The following RNF207 variants were observed in gnomAD, a reference collection of about 807,000 sequenced individuals.
RNF207 encodes the protein ring finger protein 207, also known as OTTHUMG00000001089.
A neutral mutation model predicts 79.0 loss-of-function variants in RNF207; 72 were observed. The observed-to-expected ratio is 0.91, with a 90% CI of 0.75 to 1.11. The LOEUF is 1.11. Among genes scored for constraint, RNF207 ranks in the 50% least tolerant of loss-of-function variants. The probability of loss-of-function intolerance (pLI) is 0.00; values close to 1 mark genes in which losing one functional copy is unlikely to be tolerated. For synonymous variants in RNF207, 348 were observed against 366.2 expected (o/e 0.95, Z 0.57); for missense variants, 936 against 855.8 (o/e 1.09, Z -1.17).
In RNF207 at chr1:6,211,800, G is replaced by C. The variant is rs1306504165; in HGVS notation, c.1110-67G>C. 81 of 1,219,826 alleles carry C rather than the reference G, an allele frequency of 6.6e-5. No individual in the cohort carries two copies. Among genetic ancestry groups the C allele is most frequent in the Non-Finnish European group, 8.8e-5 (76 of 861,550 alleles). 75.6% of individuals were successfully genotyped at this position (1,219,826 alleles called of 1,614,324 possible). A position where few individuals can be genotyped will look rare whatever the true frequency, so the allele number is the denominator to read the frequency against. On this transcript the variant is annotated intron_variant, in intron 12 of 17. Transcript: ENST00000377939. This position sits in a 1 kb window ranked among gnomAD's most constrained non-coding sequence, Gnocchi z 4.2. ...AGATCCCGGAGCAGTCCAGGGGGCT[G>C]CCCTGGGAGGCTGGGGGAGGGGCAG...
At chr1:6,213,241 C>T in intron 16 of RNF207, 58 bp downstream of exon 16, 1 of 1,170,264 alleles carries the variant, frequency 8.5e-7, no homozygotes, top group Non-Finnish European at 1.3e-6. Context: ...TGCATGGGGG[C>T]TGGGTGCGGT....
At position 6,206,735 on chromosome 1, in the gene RNF207, C is replaced by T. The variant is rs781394673; in HGVS notation, c.191+9C>T. 8 of 1,597,912 alleles carry T rather than the reference C, an allele frequency of 5.0e-6. No homozygotes were observed. The South Asian group carries it at 7.7e-5, about 15-fold the overall frequency. ...ACCTGCCCGCTGTGCCAGTAAGTGT[C>T]CCAAAGTTCCCCAAAACCCCCCAGA... On this transcript the variant is annotated intron_variant, in intron 2 of 17. Coordinates refer to ENST00000377939, the MANE Select transcript of RNF207 (RefSeq NM_207396.3).
chr1:6,213,002 G>C, intron 15 of RNF207, 64 bp from the exon 16 acceptor site: 6 of 1,118,532 alleles, frequency 5.4e-6, no homozygotes, highest in Non-Finnish European at 8.0e-6. Flanking sequence ...TGCCTGGCTT[G>C]AGTAAAAATC....
chr1:6,213,605 A>G (rs1668260405), intron 16 of RNF207, among the ~76,000 whole-genome samples: 1 of 152,122 alleles, frequency 6.6e-6, no homozygotes, highest in Non-Finnish European at 1.5e-5. Flanking sequence ...TTGCAAAAGC[A>G]TGGTCACAGT....
rs917273637 is a variant in RNF207 at position 6,220,511 on chromosome 1, T to G, written c.*1104T>G. 1 of 152,230 alleles carries G rather than the reference T, an allele frequency of 6.6e-6. No individual in the cohort carries two copies. The highest frequency in any genetic ancestry group is 2.4e-5 in the African/African-American group (1 of 41,456). The allele number at this position is 152,230 out of a possible 1,614,324, so 9.4% of individuals were successfully genotyped here. On this transcript the variant is annotated 3_prime_UTR_variant, in exon 18 of 18. Coordinates refer to ENST00000377939, the MANE Select transcript of RNF207 (RefSeq NM_207396.3). The stretch of plus-strand genomic sequence containing the variant: ...AAGTTCCACACAGTAATCTGAGCAG[T>G]GACTCATGGAAGGATGAGGAACGTT...
At position 6,212,696 on chromosome 1, in the gene RNF207, C is replaced by G; in HGVS notation, c.1497C>G (p.Ala499=). 4 of 1,613,878 alleles carry G rather than the reference C, an allele frequency of 2.5e-6. No individual in the cohort carries two copies. Among genetic ancestry groups the G allele is most frequent in the Non-Finnish European group, 3.4e-6 (4 of 1,179,790 alleles). ...TTCTCTTTCAGATTTGGGAGGAAGC[C>G]TATCAGCGAGTGGCTAATGAGCAGG... ...RVVFQEIWEE[A]YQRVANEQEI... is the part of the protein sequence containing the mutation. The change falls in exon 15 of 18, where the codon GCC becomes GCG. Residue 499 remains alanine, a synonymous_variant. Coordinates refer to ENST00000377939, the MANE Select transcript of RNF207 (RefSeq NM_207396.3).
intron 6 of RNF207, 27 bp downstream of exon 6, chr1:6,209,370 GC>G (rs1557585172): frequency 4.6e-6 from 7 of 1,528,484 alleles, no homozygotes; most frequent in Admixed American, 2.0e-5. Flanking sequence ...GGCGCGCGGG[GC>G]CGCGCGGCGG....
intron 15 of RNF207, 93 bp downstream of exon 15, chr1:6,212,826 T>C: frequency 1.9e-6 from 2 of 1,075,414 alleles, no homozygotes; most frequent in African/African-American, 1.6e-5. Context: ...ACTAACCAGA[T>C]GCAAATCCCC....
At chr1:6,215,513 T>G (rs1668334616) in intron 16 of RNF207, among the ~76,000 whole-genome samples, 2 of 152,190 alleles carry the variant, frequency 1.3e-5, no homozygotes, top group Admixed American at 1.3e-4. Flanking sequence ...TTGTTTTGCA[T>G]GTCCAACAGC....
chr1:6,211,773 T>G lies in RNF207; in HGVS notation c.1110-94T>G. The stretch of plus-strand genomic sequence containing the variant: ...GTGCTCCAGGTGGTGGAGAGGGCTG[T>G]GAGATCCCGGAGCAGTCCAGGGGGC... On this transcript the variant is annotated intron_variant, in intron 12 of 17. Transcript: ENST00000377939. The surrounding 1 kb of genome is among the most constrained non-coding windows in gnomAD (Gnocchi z 4.2). The G allele has an allele frequency of 1.0e-5, 9 of 867,204 alleles. No individual in the cohort carries two copies. Among genetic ancestry groups the G allele is most frequent in the Non-Finnish European group, 1.6e-5 (9 of 564,450 alleles). 53.7% of individuals were successfully genotyped at this position (867,204 alleles called of 1,614,324 possible).
At chr1:6,208,192 C>G (rs1486497560) in intron 3 of RNF207, 1 of 166,432 alleles carries the variant, frequency 6.0e-6, no homozygotes, top group East Asian at 1.6e-4. Flanking sequence ...GCCCTCACTG[C>G]TCTTCCCCTC....
chr1:6,212,518 G>A lies in RNF207; in HGVS notation c.1482+102G>A, dbSNP rs535377928. 2.5e-5 allele frequency: 32 copies of A among 1,294,678 alleles called. No homozygotes were observed. In the African/African-American group the frequency reaches 2.6e-4, roughly 11 times the overall value. The allele number at this position is 1,294,678 out of a possible 1,614,324, so 80.2% of individuals were successfully genotyped here. On this transcript the variant is annotated intron_variant, in intron 14 of 17. Coordinates refer to ENST00000377939, the MANE Select transcript of RNF207 (RefSeq NM_207396.3). ...AAAGAGGACCTGGCCTGTACCCCAC[G>A]GGACCCTCATGTGGCAGGGTCTGGA... is the stretch of plus-strand genomic sequence containing the variant.
rs1668211766 is a variant in RNF207 at position 6,212,370 on chromosome 1, C to T, written c.1436C>T (p.Ala479Val). The T allele has an allele frequency of 1.9e-6, 3 of 1,613,618 alleles. No individual in the cohort carries two copies. Among genetic ancestry groups the T allele is most frequent in the African/African-American group, 2.7e-5 (2 of 75,008 alleles). Reference protein sequence around the residue: ...HKSLQLDVQIASEHASLEGMR... With the variant: ...HKSLQLDVQIVSEHASLEGMR... ...TCCCTGCAACTGGACGTGCAGATCGCCTCGGAGCACGCCTCCTTAGAGGGC... is the reference window on the plus strand; with the variant it reads ...TCCCTGCAACTGGACGTGCAGATCGTCTCGGAGCACGCCTCCTTAGAGGGC... The change falls in exon 14 of 18, where the codon GCC (alanine) becomes GTC (valine). Residue 479 changes from alanine (A) to valine (V), a missense_variant. Physicochemically the swap from Ala to Val is moderately conservative, Grantham distance 64. Transcript: ENST00000377939.
Position 6,210,256 on chromosome 1 carries a change from G to A in RNF207, c.834G>A (p.Glu278=). 1 of 1,613,786 alleles carries A rather than the reference G, an allele frequency of 6.2e-7. No homozygotes were observed. Among genetic ancestry groups the A allele is most frequent in the Non-Finnish European group, 8.5e-7 (1 of 1,179,886 alleles). ...AAGAGAAGGACAAGGCCTTCAAGGA[G>A]CAGCTCTCTCACTTGGCCACCTTGC... ...QYEEKDKAFK[E]QLSHLATLLP... is the part of the protein sequence containing the mutation. The change falls in exon 9 of 18, where the codon GAG becomes GAA. Residue 278 remains glutamate (E), a synonymous_variant. Coordinates refer to ENST00000377939, the MANE Select transcript of RNF207 (RefSeq NM_207396.3).
At chr1:6,215,331 C>CTTTT (rs147320112) in intron 16 of RNF207, among the ~76,000 whole-genome samples, 3 of 138,808 alleles carry the variant, frequency 2.2e-5, no homozygotes, top group East Asian at 4.1e-4. Flanking sequence ...CCCGGCCCCC[C>CTTTT]TTTTTTTTTT....
At chr1:6,218,862 G>A (rs1668453189) in intron 17 of RNF207, among the ~76,000 whole-genome samples, 1 of 152,188 alleles carries the variant, frequency 6.6e-6, no homozygotes, top group South Asian at 2.1e-4. Flanking sequence ...AGAACCAGAA[G>A]AGCCTAGGGG....
At chr1:6,215,488 T>C (rs1668333957) in intron 16 of RNF207, among the ~76,000 whole-genome samples, 1 of 152,110 alleles carries the variant, frequency 6.6e-6, no homozygotes, top group Admixed American at 6.6e-5. Flanking sequence ...CATTAAGTAG[T>C]TCATTTCTGC....
chr1:6,220,858 C>A lies in RNF207; in HGVS notation c.*1451C>A, dbSNP rs1009471936. On this transcript the variant is annotated 3_prime_UTR_variant, in exon 18 of 18. Transcript: ENST00000377939. ...TGGCAAAATGATGCCCAGATAGTCACATTTAAGCAAATATTCAGCTTGATT... is the reference window on the plus strand; with the variant it reads ...TGGCAAAATGATGCCCAGATAGTCAAATTTAAGCAAATATTCAGCTTGATT... 2 of 152,142 alleles carry A rather than the reference C, an allele frequency of 1.3e-5. No individual in the cohort carries two copies. The highest frequency in any genetic ancestry group is 4.8e-5 in the African/African-American group (2 of 41,396). The allele number at this position is 152,142 out of a possible 1,614,324, so 9.4% of individuals were successfully genotyped here. A position where few individuals can be genotyped will look rare whatever the true frequency, so the allele number is the denominator to read the frequency against.
chr1:6,208,643 T>A, intron 3 of RNF207: 3 of 525,656 alleles, frequency 5.7e-6, no homozygotes, highest in African/African-American at 2.2e-5. Flanking sequence ...TTCTGCCCTC[T>A]CCCCGCGTCC....
Sources: gnomAD v4.1 joint callset for allele counts (sites outside exome capture counted in the v4.1 genomes callset) on GRCh38, gnomAD v4.1.1 for gene constraint, Gnocchi (gnomAD v3.1) non-coding constraint, MANE v1.5 for transcripts, NCBI Gene and HGNC (gene_info 2026-07-23, HGNC 2026-07-21) for gene names.